Variants in FAR2 observed in about 807,000 individuals in gnomAD.
The protein encoded by FAR2 is fatty acyl-CoA reductase 2.
A neutral mutation model predicts 56.0 loss-of-function variants in FAR2; 19 were observed. That is an observed-to-expected ratio of 0.34 (90% confidence interval 0.24 to 0.50). FAR2 has a LOEUF of 0.50. FAR2 is among the 20% of genes least tolerant of loss of function. FAR2 has a pLI of 0.98. For synonymous variants in FAR2, 219 were observed against 218.8 expected (o/e 1.00, Z -0.01); for missense variants, 508 against 642.2 (o/e 0.79, Z 2.26).
chr12:29,235,276 A>G (rs1302789863), intron 1 of FAR2, among the ~76,000 whole-genome samples: 5 of 152,202 alleles, frequency 3.3e-5, no homozygotes, highest in Non-Finnish European at 5.9e-5. Flanking sequence ...TAGAATGAAA[A>G]TAAAGACCCT....
intron 1 of FAR2, among the ~76,000 whole-genome samples, chr12:29,167,530 A>G (rs1949840833): frequency 1.3e-5 from 2 of 152,160 alleles, no homozygotes; most frequent in African/African-American, 2.4e-5. Flanking sequence ...ATGCTCAAAC[A>G]TTTCATTTCA....
intron 1 of FAR2, among the ~76,000 whole-genome samples, chr12:29,263,271 A>T (rs982221701): frequency 6.6e-6 from 1 of 152,166 alleles, no homozygotes; most frequent in South Asian, 2.1e-4. Flanking sequence ...AGAAACATTG[A>T]ACTTAATCTG....
intron 1 of FAR2, among the ~76,000 whole-genome samples, chr12:29,194,995 T>C (rs1950133762): frequency 6.6e-6 from 1 of 152,206 alleles, no homozygotes; most frequent in South Asian, 2.1e-4. Context: ...CTAAGTGGCA[T>C]CTCTGTCTCA....
intron 1 of FAR2, among the ~76,000 whole-genome samples, chr12:29,196,173 C>CT (rs1169796054): frequency 6.6e-6 from 1 of 151,986 alleles, no homozygotes; most frequent in Non-Finnish European, 1.5e-5. Context: ...GTGCAGGTGC[C>CT]TTTTTTTATA....
chr12:29,326,241 G>A (rs1591973644), intron 10 of FAR2, among the ~76,000 whole-genome samples: 1 of 152,320 alleles, frequency 6.6e-6, no homozygotes, highest in East Asian at 1.9e-4. Context: ...AACAGGCTCT[G>A]AAATTGAGGC....
At chr12:29,314,374 C>CTCCA (rs991915675) in intron 8 of FAR2, among the ~76,000 whole-genome samples, 4 of 151,604 alleles carry the variant, frequency 2.6e-5, no homozygotes, top group Admixed American at 2.0e-4. Flanking sequence ...ATTTAGTAGA[C>CTCCA]TCCACTACTT....
intron 1 of FAR2, among the ~76,000 whole-genome samples, chr12:29,208,389 T>C (rs1947501207): frequency 6.6e-6 from 1 of 152,212 alleles, no homozygotes; most frequent in Non-Finnish European, 1.5e-5. Flanking sequence ...GGAACTGCAG[T>C]CCTACTACTT....
intron 1 of FAR2, among the ~76,000 whole-genome samples, chr12:29,248,303 A>G (rs542792675): frequency 6.6e-6 from 1 of 152,308 alleles, no homozygotes; most frequent in East Asian, 1.9e-4. Flanking sequence ...TTCCTTAAGC[A>G]TCGGCCAGCT....
At chr12:29,165,067 A>G (rs1158134676) in intron 1 of FAR2, among the ~76,000 whole-genome samples, 1 of 152,184 alleles carries the variant, frequency 6.6e-6, no homozygotes, top group Non-Finnish European at 1.5e-5. Context: ...AGTTCTTACT[A>G]TTAATGTAGC....
At chr12:29,328,640 G>A (rs1949683577) in intron 10 of FAR2, among the ~76,000 whole-genome samples, 1 of 150,222 alleles carries the variant, frequency 6.7e-6, no homozygotes, top group Non-Finnish European at 1.5e-5. Flanking sequence ...ACTATCGCAA[G>A]GACAAAAAAC....
chr12:29,284,552 G>C (rs1267757335), intron 2 of FAR2, among the ~76,000 whole-genome samples: 3 of 152,062 alleles, frequency 2.0e-5, no homozygotes, highest in Admixed American at 6.5e-5. Context: ...GAGAACTCTG[G>C]GTGATAAATC....
At chr12:29,273,206 G>A (rs1488059833) in intron 2 of FAR2, among the ~76,000 whole-genome samples, 1 of 152,194 alleles carries the variant, frequency 6.6e-6, no homozygotes, top group African/African-American at 2.4e-5. Flanking sequence ...CCACTTGTCT[G>A]GGTTGCCCTG....
chr12:29,224,375 G>T (rs924662253), intron 1 of FAR2, among the ~76,000 whole-genome samples: 5 of 152,156 alleles, frequency 3.3e-5, no homozygotes, highest in Non-Finnish European at 7.3e-5. Flanking sequence ...ATAGTCTAAG[G>T]CTTTTCATAT....
At chr12:29,210,554 A>C (rs1354384293) in intron 1 of FAR2, among the ~76,000 whole-genome samples, 1 of 152,252 alleles carries the variant, frequency 6.6e-6, no homozygotes, top group African/African-American at 2.4e-5. Context: ...TCTGGCAATA[A>C]GAATAGATGA....
chr12:29,320,753 G>A (rs990611824), intron 9 of FAR2, among the ~76,000 whole-genome samples: 1 of 152,168 alleles, frequency 6.6e-6, no homozygotes, highest in Non-Finnish European at 1.5e-5. Flanking sequence ...ATATTGTTAG[G>A]ATCAAGTAAG....
intron 1 of FAR2, among the ~76,000 whole-genome samples, chr12:29,194,503 G>A (rs1430750045): frequency 1.4e-5 from 2 of 143,630 alleles, no homozygotes; most frequent in African/African-American, 5.1e-5. Flanking sequence ...TTTGATTTAG[G>A]TTTCCAGGCT....
At chr12:29,256,762 G>A (rs998044210) in intron 1 of FAR2, among the ~76,000 whole-genome samples, 11 of 152,308 alleles carry the variant, frequency 7.2e-5, no homozygotes, top group East Asian at 1.9e-4. Flanking sequence ...TGCCAGCCCC[G>A]GCAATGAAGG....
At chr12:29,314,300 T>C (rs1222863430) in intron 8 of FAR2, among the ~76,000 whole-genome samples, 1 of 152,170 alleles carries the variant, frequency 6.6e-6, no homozygotes, top group East Asian at 1.9e-4. Flanking sequence ...TCTTGGGCTA[T>C]GGATACATCA....
intron 1 of FAR2, among the ~76,000 whole-genome samples, chr12:29,165,808 A>G (rs536960256): frequency 1.7e-4 from 26 of 152,340 alleles, no homozygotes; most frequent in Non-Finnish European, 3.7e-4. Context: ...CAAATTCAAT[A>G]CATTTAAGTT....
Sources: gnomAD v4.1 joint callset for allele counts (sites outside exome capture counted in the v4.1 genomes callset) on GRCh38, gnomAD v4.1.1 for gene constraint, MANE v1.5 for transcripts, NCBI Gene and HGNC (gene_info 2026-07-23, HGNC 2026-07-21) for gene names.